The following CACNA2D3 variants were observed in gnomAD, a reference collection of about 807,000 sequenced individuals.
CACNA2D3 encodes calcium voltage-gated channel auxiliary subunit alpha2delta 3.
In CACNA2D3, 60 loss-of-function variants were observed where a neutral mutation model predicts 160.6. That is an observed-to-expected ratio of 0.37 (90% CI 0.30 to 0.46). CACNA2D3 has a LOEUF of 0.46. CACNA2D3 is among the 20% of genes least tolerant of loss of function. CACNA2D3 has a pLI of 1.00. For missense variants in CACNA2D3, 1,205 were observed against 1,365.0 expected, an observed-to-expected ratio of 0.88 and a Z score of 1.85; for synonymous variants, 558 against 492.9, an observed-to-expected ratio of 1.13 and a Z score of -1.75.
chr3:54,487,398 C>A (rs917024728), intron 4 of CACNA2D3, among the ~76,000 whole-genome samples: 12 of 152,102 alleles, frequency 7.9e-5, no homozygotes, highest in Admixed American at 7.2e-4. Context: ...CAGTCCTTTG[C>A]AAATGTAGTA....
chr3:54,973,878 A>G (rs1559451943), intron 29 of CACNA2D3, among the ~76,000 whole-genome samples: 1 of 152,234 alleles, frequency 6.6e-6, no homozygotes, highest in Non-Finnish European at 1.5e-5. Context: ...GGATTGGATC[A>G]TGAGACCTGG....
At chr3:54,795,416 C>T (rs774592293) in intron 13 of CACNA2D3, among the ~76,000 whole-genome samples, 1 of 140,214 alleles carries the variant, frequency 7.1e-6, no homozygotes, top group Non-Finnish European at 1.5e-5. Context: ...TTATGAGTCA[C>T]ATTTTCCCAT....
At chr3:54,815,866 T>G (rs1703436221) in intron 13 of CACNA2D3, among the ~76,000 whole-genome samples, 1 of 152,204 alleles carries the variant, frequency 6.6e-6, no homozygotes, top group Admixed American at 6.5e-5. Flanking sequence ...AAGTAAATCT[T>G]CGTAATGATG....
chr3:54,756,416 A>G (rs918174082), intron 12 of CACNA2D3, among the ~76,000 whole-genome samples: 8 of 152,188 alleles, frequency 5.3e-5, no homozygotes, highest in African/African-American at 1.9e-4. Context: ...ATCGGTGAGC[A>G]AGTATTCTTC....
chr3:54,509,164 C>T (rs537116142), intron 5 of CACNA2D3, among the ~76,000 whole-genome samples: 76 of 152,286 alleles, frequency 5.0e-4, no homozygotes, highest in African/African-American at 1.7e-3. Flanking sequence ...TTCGTTTACA[C>T]GGAAATCATT....
intron 27 of CACNA2D3, among the ~76,000 whole-genome samples, chr3:54,914,854 C>T (rs1700627968): frequency 6.6e-6 from 1 of 152,076 alleles, no homozygotes; most frequent in Non-Finnish European, 1.5e-5. Context: ...ATGGGTTTTC[C>T]CAAACTGGAA....
At chr3:54,152,498 T>A (rs556683577) in intron 2 of CACNA2D3, among the ~76,000 whole-genome samples, 1 of 152,348 alleles carries the variant, frequency 6.6e-6, no homozygotes, top group Non-Finnish European at 1.5e-5. Flanking sequence ...CCTCAAATAT[T>A]TCTAAAGGAA....
chr3:54,802,398 T>C lies in CACNA2D3; in HGVS notation c.1381-14455T>C, dbSNP rs186401389. 1.2e-4 allele frequency among the ~76,000 whole-genome samples: 19 copies of C among 152,284 alleles called. No homozygotes were observed. The East Asian group carries it at 3.7e-3, about 29-fold the overall frequency. On this transcript the variant is annotated intron_variant, in intron 13 of 37. Transcript: ENST00000474759. ...TAAAAACCAGAATAGCTTCCAGACT[T>C]TGGAGAAATATGATGTCCCATGTGT...
At chr3:54,879,700 G>A (rs969032763) in intron 20 of CACNA2D3, among the ~76,000 whole-genome samples, 3 of 152,198 alleles carry the variant, frequency 2.0e-5, no homozygotes, top group African/African-American at 7.2e-5. Flanking sequence ...AGTGCAGAGG[G>A]TTACCAGGGT....
chr3:54,405,471 A>G (rs1323730499), intron 4 of CACNA2D3, among the ~76,000 whole-genome samples: 1 of 152,126 alleles, frequency 6.6e-6, no homozygotes, highest in African/African-American at 2.4e-5. Flanking sequence ...ACAATGGGGG[A>G]AAGAATAGTC....
chr3:54,799,698 A>G (rs540226204), intron 13 of CACNA2D3, among the ~76,000 whole-genome samples: 1 of 152,226 alleles, frequency 6.6e-6, no homozygotes, highest in South Asian at 2.1e-4. Context: ...TTTGGCTCCC[A>G]TCTCCCCTGG....
chr3:54,405,538 G>C (rs572632438), intron 4 of CACNA2D3, among the ~76,000 whole-genome samples: 1 of 152,062 alleles, frequency 6.6e-6, no homozygotes, highest in South Asian at 2.1e-4. Flanking sequence ...AATGAAATTG[G>C]ACCCTTATCT....
intron 12 of CACNA2D3, among the ~76,000 whole-genome samples, chr3:54,761,313 G>A (rs1702076001): frequency 6.6e-6 from 1 of 152,174 alleles, no homozygotes; most frequent in Non-Finnish European, 1.5e-5. Flanking sequence ...AAGGTCTGGA[G>A]CTATTGAGTT....
In CACNA2D3 at chr3:54,885,355, A is replaced by G. The variant is rs191263792; in HGVS notation, c.1958+29A>G. 27 of 1,613,450 alleles carry G rather than the reference A, an allele frequency of 1.7e-5. No homozygotes were observed. The African/African-American group carries it at 2.4e-4, about 14-fold the overall frequency. The stretch of plus-strand genomic sequence containing the variant: ...AGAATTAAACCATCCCTCCTTGACC[A>G]TGGCATCCTTCATTGCCCTCTTTGA... On this transcript the variant is annotated intron_variant, in intron 22 of 37. Coordinates refer to ENST00000474759, the MANE Select transcript of CACNA2D3 (RefSeq NM_018398.3).
At chr3:54,555,295 A>G (rs1015516404) in intron 5 of CACNA2D3, among the ~76,000 whole-genome samples, 27 of 152,272 alleles carry the variant, frequency 1.8e-4, no homozygotes, top group African/African-American at 6.3e-4. Flanking sequence ...GCTTGGATCT[A>G]TGTGGGCTGA....
At chr3:54,481,171 A>T (rs1700926686) in intron 4 of CACNA2D3, among the ~76,000 whole-genome samples, 1 of 152,156 alleles carries the variant, frequency 6.6e-6, no homozygotes, top group Non-Finnish European at 1.5e-5. Flanking sequence ...GCCTCTGGCT[A>T]GGCTGCCTCT....
At chr3:54,471,306 G>C (rs1429778747) in intron 4 of CACNA2D3, among the ~76,000 whole-genome samples, 3 of 152,154 alleles carry the variant, frequency 2.0e-5, no homozygotes, top group African/African-American at 7.2e-5. Context: ...TGACTACTGG[G>C]TAAATAACGA....
chr3:54,654,549 A>G (rs1224527216), intron 11 of CACNA2D3, among the ~76,000 whole-genome samples: 1 of 152,122 alleles, frequency 6.6e-6, no homozygotes, highest in Non-Finnish European at 1.5e-5. Flanking sequence ...AATAGTTCGT[A>G]TGGGAGGAGG....
chr3:54,717,922 C>T (rs954163832), intron 11 of CACNA2D3, among the ~76,000 whole-genome samples: 2 of 151,888 alleles, frequency 1.3e-5, no homozygotes, highest in Non-Finnish European at 2.9e-5. Context: ...GTTTTAGTAT[C>T]TAAGTATCTT....
Sources: allele counts gnomAD v4.1 joint callset (sites outside exome capture counted in the v4.1 genomes callset), GRCh38; gene constraint gnomAD v4.1.1; transcripts MANE v1.5; gene names NCBI Gene and HGNC (gene_info 2026-07-23, HGNC 2026-07-21).